SLC24A2: variants seen among roughly 807,000 people sequenced by gnomAD.
The protein encoded by SLC24A2 is sodium/potassium/calcium exchanger 2.
SLC24A2 carries 36 observed loss-of-function variants against 62.0 expected under a neutral mutation model. The ratio of observed to expected loss-of-function variants is 0.58; its 90% CI spans 0.44 to 0.77. The LOEUF (loss-of-function observed/expected upper bound fraction) is 0.77. Among genes scored for constraint, SLC24A2 ranks in the 30% least tolerant of loss-of-function variants. The pLI is 0.00. For missense variants in SLC24A2, 846 were observed against 817.9 expected, an observed-to-expected ratio of 1.03 and a Z score of -0.42; for synonymous variants, 358 against 294.0, an observed-to-expected ratio of 1.22 and a Z score of -2.23.
At chr9:19,862,840 G>A in the SLC24A2 span, among the ~76,000 whole-genome samples, 1 of 151,488 alleles carries the variant, frequency 6.6e-6, no homozygotes, top group African/African-American at 2.4e-5. Flanking sequence ...AGCATGCAAT[G>A]GGTACCCAAA....
chr9:19,611,141 G>C (rs1319618229), intron 4 of SLC24A2, among the ~76,000 whole-genome samples: 1 of 152,182 alleles, frequency 6.6e-6, no homozygotes, highest in East Asian at 1.9e-4. Flanking sequence ...ACTTGAAGGA[G>C]GGGAGACCAG....
intron 7 of SLC24A2, among the ~76,000 whole-genome samples, chr9:19,556,011 T>A (rs969931780): frequency 6.6e-6 from 1 of 152,190 alleles, no homozygotes; most frequent in Non-Finnish European, 1.5e-5. Flanking sequence ...AATTGATAAC[T>A]GCCTTCTAGG....
the SLC24A2 span, among the ~76,000 whole-genome samples, chr9:20,034,039 T>C: frequency 6.6e-6 from 1 of 152,138 alleles, no homozygotes; most frequent in Admixed American, 6.5e-5. Flanking sequence ...AACTGGACTG[T>C]AACAGTGAGG....
intron 4 of SLC24A2, among the ~76,000 whole-genome samples, chr9:19,614,930 A>G (rs970138112): frequency 4.6e-5 from 7 of 152,032 alleles, no homozygotes; most frequent in African/African-American, 1.7e-4. Context: ...CAGAAAACTC[A>G]CCCAGGTAAT....
intron 2 of SLC24A2, among the ~76,000 whole-genome samples, chr9:19,674,211 T>C (rs947968136): frequency 2.6e-5 from 4 of 152,194 alleles, no homozygotes; most frequent in African/African-American, 9.6e-5. Context: ...CTATTCTAGA[T>C]TGTAGGGTTT....
the SLC24A2 span, among the ~76,000 whole-genome samples, chr9:19,952,752 G>A: frequency 4.6e-5 from 7 of 150,830 alleles, no homozygotes; most frequent in Non-Finnish European, 8.9e-5. Context: ...GGTAATACTG[G>A]CTTTATAATA....
the SLC24A2 span, among the ~76,000 whole-genome samples, chr9:19,818,205 C>A: frequency 6.6e-6 from 1 of 152,094 alleles, no homozygotes; most frequent in African/African-American, 2.4e-5. Context: ...TCCTCCAGTT[C>A]ATCCAGCTCT....
intron 2 of SLC24A2, among the ~76,000 whole-genome samples, chr9:19,710,890 A>G (rs889179779): frequency 3.9e-5 from 6 of 152,202 alleles, no homozygotes; most frequent in African/African-American, 1.4e-4. Context: ...GAAATGGATG[A>G]CTATACATGA....
chr9:20,109,943 A>T, the SLC24A2 span, among the ~76,000 whole-genome samples: 28 of 152,280 alleles, frequency 1.8e-4, no homozygotes, highest in Admixed American at 1.6e-3. Context: ...TTCTTTAAAG[A>T]TTTCCTCATG....
At chr9:19,563,657 C>G (rs115919421) in intron 7 of SLC24A2, among the ~76,000 whole-genome samples, 1 of 152,140 alleles carries the variant, frequency 6.6e-6, no homozygotes, top group African/African-American at 2.4e-5. Context: ...CAATCTGTAA[C>G]AAAACTTCTG....
the SLC24A2 span, among the ~76,000 whole-genome samples, chr9:20,013,930 T>C: frequency 6.6e-6 from 1 of 152,190 alleles, no homozygotes; most frequent in Non-Finnish European, 1.5e-5. Context: ...AAAAGATGGC[T>C]GGGCACAGTG....
chr9:19,932,629 G>C, the SLC24A2 span, among the ~76,000 whole-genome samples: 1 of 152,200 alleles, frequency 6.6e-6, no homozygotes, highest in Non-Finnish European at 1.5e-5. Context: ...TGTGGAAGAA[G>C]AGGGCTAGAA....
At chr9:20,173,126 C>G in the SLC24A2 span, among the ~76,000 whole-genome samples, 1 of 151,966 alleles carries the variant, frequency 6.6e-6, no homozygotes, top group African/African-American at 2.4e-5. Context: ...TTGACAAAAT[C>G]CAGCAACCCT....
the SLC24A2 span, among the ~76,000 whole-genome samples, chr9:20,031,766 A>G: frequency 2.0e-5 from 3 of 152,112 alleles, no homozygotes; most frequent in Non-Finnish European, 4.4e-5. Context: ...TGACTCTAGG[A>G]TTTTGGCACT....
At chr9:19,953,187 A>T in the SLC24A2 span, among the ~76,000 whole-genome samples, 1 of 151,946 alleles carries the variant, frequency 6.6e-6, no homozygotes, top group South Asian at 2.1e-4. Context: ...TATAAGCGTA[A>T]CGATTTCATT....
chr9:20,081,350 C>T, the SLC24A2 span, among the ~76,000 whole-genome samples: 14 of 151,512 alleles, frequency 9.2e-5, no homozygotes, highest in Non-Finnish European at 1.6e-4. Flanking sequence ...AAGCTGGAAA[C>T]CATCATTCTC....
chr9:19,629,661 T>TG (rs1309237567), intron 2 of SLC24A2, among the ~76,000 whole-genome samples: 2 of 152,084 alleles, frequency 1.3e-5, no homozygotes, highest in Non-Finnish European at 1.5e-5. Context: ...CAGCAGTAGG[T>TG]GGGAAAAAAG....
At chr9:20,255,856 G>A in the SLC24A2 span, among the ~76,000 whole-genome samples, 197 of 152,330 alleles carry the variant, frequency 1.3e-3, no homozygotes, top group African/African-American at 4.6e-3. Context: ...TGTGAAGCAA[G>A]TTGAGCCCAG....
chr9:19,981,713 C>T, the SLC24A2 span, among the ~76,000 whole-genome samples: 10 of 152,278 alleles, frequency 6.6e-5, no homozygotes, highest in African/African-American at 2.2e-4. Flanking sequence ...TGGGTCTGCC[C>T]TATGTGTGTT....
Sources: gnomAD v4.1 joint callset for allele counts (sites outside exome capture counted in the v4.1 genomes callset) on GRCh38, gnomAD v4.1.1 for gene constraint, MANE v1.5 for transcripts, NCBI Gene and HGNC (gene_info 2026-07-23, HGNC 2026-07-21) for gene names.